Variants in TBC1D5 observed in about 807,000 individuals in gnomAD.
The protein encoded by TBC1D5 is TBC1 domain family, member 5.
In TBC1D5, 75 loss-of-function variants were observed where a neutral mutation model predicts 100.3. That is an observed-to-expected ratio of 0.75 (90% CI 0.62 to 0.91). TBC1D5 has a LOEUF of 0.91. Among genes scored for constraint, TBC1D5 ranks in the 40% least tolerant of loss-of-function variants. The pLI is 0.00. For missense variants in TBC1D5, 910 were observed against 942.4 expected, an observed-to-expected ratio of 0.97 and a Z score of 0.45; for synonymous variants, 323 against 325.6, an observed-to-expected ratio of 0.99 and a Z score of 0.09.
intron 3 of TBC1D5, among the ~76,000 whole-genome samples, chr3:17,455,171 C>G (rs1354229037): frequency 7.0e-6 from 1 of 143,070 alleles, no homozygotes; most frequent in Non-Finnish European, 1.5e-5. Context: ...AGTATACACA[C>G]ACACACACAC....
intron 1 of TBC1D5, among the ~76,000 whole-genome samples, chr3:17,649,114 T>C (rs2065288008): frequency 6.6e-6 from 1 of 152,116 alleles, no homozygotes; most frequent in Non-Finnish European, 1.5e-5. Context: ...AAAGAAAATA[T>C]GGTACATATA....
intron 2 of TBC1D5, among the ~76,000 whole-genome samples, chr3:17,604,877 T>C (rs28698699): frequency 0.019 from 2,950 of 152,258 alleles, 91 homozygotes; most frequent in African/African-American, 0.066. Context: ...GGTTTCACCA[T>C]GTTGGCCAGG....
intron 4 of TBC1D5, among the ~76,000 whole-genome samples, 172 bp downstream of exon 4, chr3:17,428,273 AATAAC>A: frequency 6.6e-6 from 1 of 151,660 alleles, no homozygotes; most frequent in East Asian, 1.9e-4. Context: ...AATTACAGAA[AATAAC>A]ATAACACAAT....
intron 17 of TBC1D5, among the ~76,000 whole-genome samples, chr3:17,225,374 G>A (rs374281164): frequency 6.6e-6 from 1 of 151,020 alleles, no homozygotes; most frequent in African/African-American, 2.4e-5. Flanking sequence ...GGGAGGTGGA[G>A]GTTGCAGTGA....
intron 1 of TBC1D5, among the ~76,000 whole-genome samples, chr3:17,666,004 G>A (rs2067217657): frequency 6.6e-6 from 1 of 152,158 alleles, no homozygotes; most frequent in South Asian, 2.1e-4. Context: ...TGCAGTCAAA[G>A]TGCTGCTAGA....
chr3:17,718,367 G>C (rs1423152786), intron 1 of TBC1D5, among the ~76,000 whole-genome samples: 101 of 152,112 alleles, frequency 6.6e-4, no homozygotes, highest in Non-Finnish European at 7.4e-5. Flanking sequence ...AGTCCAAGGC[G>C]GGGGCAGATC....
chr3:17,260,863 T>C (rs2733493), intron 15 of TBC1D5, among the ~76,000 whole-genome samples: 60,027 of 152,108 alleles, frequency 0.39, 12,579 homozygotes, highest in Middle Eastern at 0.5. Context: ...GATTTTAACA[T>C]GTAATCAACA....
intron 17 of TBC1D5, among the ~76,000 whole-genome samples, chr3:17,228,189 G>A (rs1001496330): frequency 2.0e-5 from 3 of 152,122 alleles, no homozygotes; most frequent in Admixed American, 6.6e-5. Context: ...GATGTTTACA[G>A]GGTAGAATTC....
chr3:17,522,197 G>T (rs1358315085), intron 2 of TBC1D5, among the ~76,000 whole-genome samples: 3 of 152,010 alleles, frequency 2.0e-5, no homozygotes, highest in Non-Finnish European at 4.4e-5. Flanking sequence ...TGACTTGGGG[G>T]TTTCTCTCAG....
exon 9 of TBC1D5, chr3:17,383,938 T>C: frequency 6.2e-7 from 1 of 1,600,068 alleles, no homozygotes; most frequent in Non-Finnish European, 8.5e-7. Context: ...CTGCTCGTTT[T>C]CTCTGGCATA....
At chr3:17,670,425 A>C (rs2067808072) in intron 1 of TBC1D5, among the ~76,000 whole-genome samples, 1 of 152,204 alleles carries the variant, frequency 6.6e-6, no homozygotes, top group African/African-American at 2.4e-5. Flanking sequence ...AGACCAGTCT[A>C]GGCTGTGCTT....
chr3:17,666,115 T>C (rs773721988), intron 1 of TBC1D5, among the ~76,000 whole-genome samples: 4 of 152,194 alleles, frequency 2.6e-5, no homozygotes, highest in Non-Finnish European at 4.4e-5. Flanking sequence ...AGTATAAATA[T>C]TTTTAGGGAA....
exon 10 of TBC1D5, chr3:17,376,591 G>A (rs2092719546): frequency 1.2e-6 from 2 of 1,612,746 alleles, no homozygotes; most frequent in Non-Finnish European, 1.7e-6. Context: ...AAAGACTATA[G>A]GTGCTAACAG....
At chr3:17,627,642 A>G (rs573635527) in intron 1 of TBC1D5, among the ~76,000 whole-genome samples, 2 of 152,098 alleles carry the variant, frequency 1.3e-5, no homozygotes, top group African/African-American at 4.8e-5. Context: ...AAGGAAGAAC[A>G]ATTTTTAAAT....
intron 17 of TBC1D5, among the ~76,000 whole-genome samples, chr3:17,236,173 T>G (rs1471696750): frequency 6.6e-6 from 1 of 152,156 alleles, no homozygotes; most frequent in African/African-American, 2.4e-5. Context: ...AACTTTATAT[T>G]TCTAGTCATT....
At chr3:17,546,181 A>C (rs1284888626) in intron 2 of TBC1D5, among the ~76,000 whole-genome samples, 2 of 152,186 alleles carry the variant, frequency 1.3e-5, no homozygotes, top group African/African-American at 4.8e-5. Flanking sequence ...TGAGGGTACA[A>C]ATTGATAGTT....
chr3:17,427,901 G>A (rs1298909523), intron 4 of TBC1D5, among the ~76,000 whole-genome samples: 1 of 151,922 alleles, frequency 6.6e-6, no homozygotes, highest in African/African-American at 2.4e-5. Flanking sequence ...TATTAAGAAA[G>A]TACTAGGTAA....
intron 14 of TBC1D5, among the ~76,000 whole-genome samples, chr3:17,303,006 A>G (rs2083013942): frequency 6.6e-6 from 1 of 152,144 alleles, no homozygotes; most frequent in African/African-American, 2.4e-5. Context: ...CAAATTGCCC[A>G]CCTTCCTCTC....
At chr3:17,736,242 G>C (rs1416494810) in intron 1 of TBC1D5, among the ~76,000 whole-genome samples, 2 of 152,106 alleles carry the variant, frequency 1.3e-5, no homozygotes, top group African/African-American at 4.8e-5. Context: ...CTGAGTAACA[G>C]AGTGAGACCT....
Sources: allele counts gnomAD v4.1 joint callset (sites outside exome capture counted in the v4.1 genomes callset), GRCh38; gene constraint gnomAD v4.1.1; transcripts MANE v1.5; gene names NCBI Gene and HGNC (gene_info 2026-07-23, HGNC 2026-07-21).